GLI3: variants seen among roughly 807,000 people sequenced by gnomAD.
GLI3 encodes the protein transcription activator GLI3.
Under a neutral mutation model 100.8 loss-of-function variants are expected in GLI3, and 20 were observed. The observed-to-expected ratio is 0.20, with a 90% CI of 0.14 to 0.29. The LOEUF (loss-of-function observed/expected upper bound fraction) is 0.29. Ranked by LOEUF, GLI3 falls within the 10% of genes least tolerant of loss-of-function variation. The pLI, the probability that GLI3 is intolerant of heterozygous loss-of-function variation, is 1.00. For missense variants in GLI3, 2,040 were observed against 2,128.5 expected (o/e 0.96, Z 0.82); for synonymous variants, 938 against 860.5 (o/e 1.09, Z -1.58).
chr7:42,031,936 A>G (rs1445205015), intron 7 of GLI3, among the ~76,000 whole-genome samples: 1 of 152,210 alleles, frequency 6.6e-6, no homozygotes, highest in African/African-American at 2.4e-5. Context: ...TCTGATGTAG[A>G]TATACATCAG....
At chr7:41,993,686 T>C (rs907443004) in intron 10 of GLI3, among the ~76,000 whole-genome samples, 12 of 152,176 alleles carry the variant, frequency 7.9e-5, no homozygotes, top group Non-Finnish European at 1.8e-4. Flanking sequence ...GAGGAATGTG[T>C]TATTAGAAAT....
intron 5 of GLI3, among the ~76,000 whole-genome samples, chr7:42,048,241 C>T (rs895983994): frequency 6.6e-6 from 1 of 152,118 alleles, no homozygotes; most frequent in African/African-American, 2.4e-5. Flanking sequence ...CCTTACTAGC[C>T]ATGGGATTGA....
At chr7:42,197,111 G>A (rs937761787) in intron 2 of GLI3, among the ~76,000 whole-genome samples, 26 of 152,162 alleles carry the variant, frequency 1.7e-4, no homozygotes, top group Non-Finnish European at 3.1e-4. Context: ...ACTCACATCC[G>A]AGTCTGGCTG....
intron 10 of GLI3, among the ~76,000 whole-genome samples, chr7:41,990,219 A>G (rs189118534): frequency 6.6e-6 from 1 of 151,994 alleles, no homozygotes; most frequent in Non-Finnish European, 1.5e-5. Context: ...GGTAGGCACA[A>G]AGTTTTCCTG....
intron 2 of GLI3, among the ~76,000 whole-genome samples, chr7:42,164,605 C>A (rs527314530): frequency 6.6e-6 from 1 of 151,744 alleles, no homozygotes; most frequent in African/African-American, 2.4e-5. Context: ...CCGAGGCAGG[C>A]GGATCATGGG....
At chr7:42,046,360 G>A (rs1317846397) in intron 5 of GLI3, among the ~76,000 whole-genome samples, 11 of 152,230 alleles carry the variant, frequency 7.2e-5, no homozygotes, top group Admixed American at 4.6e-4. Context: ...AAAGTTTTAC[G>A]ATTATTATCT....
At chr7:42,262,548 C>T (rs1306933229) in intron 1 of GLI3, among the ~76,000 whole-genome samples, 1 of 152,178 alleles carries the variant, frequency 6.6e-6, no homozygotes, top group Admixed American at 6.5e-5. Flanking sequence ...GCCTGAGTCA[C>T]TGCATTTGAC....
intron 2 of GLI3, among the ~76,000 whole-genome samples, chr7:42,173,461 T>C (rs1427383833): frequency 6.6e-6 from 1 of 152,188 alleles, no homozygotes; most frequent in Non-Finnish European, 1.5e-5. Flanking sequence ...GAGGGTACTG[T>C]CTATTTTGGC....
Position 42,223,139 on chromosome 7 carries a change from T to G in GLI3, c.115A>C (p.Thr39Pro). The G allele has an allele frequency of 6.2e-7, 1 of 1,613,972 alleles. No homozygotes were observed. The highest frequency in any genetic ancestry group is 1.3e-5 in the African/African-American group (1 of 75,004). The part of the protein sequence containing the change: ...VSEKAVASST[T>P]SNEDESPGQT... ...TCCCTGTGCTGCTCACCATTAGAAGTGGTGCTGGAGGCAACGGCTTTCTCG... is the reference window on the plus strand; with the variant it reads ...TCCCTGTGCTGCTCACCATTAGAAGGGGTGCTGGAGGCAACGGCTTTCTCG... Residue 39 changes from threonine (T) to proline (P), a missense_variant, in exon 2 of 15, where the codon ACT becomes CCT. This residue lies in a region of GLI3 where 603 missense variants were observed against 690.9 expected (regional missense o/e 0.87). Coordinates refer to ENST00000395925, the MANE Select transcript of GLI3 (RefSeq NM_000168.6).
intron 3 of GLI3, among the ~76,000 whole-genome samples, chr7:42,088,015 G>A (rs1054642560): frequency 1.3e-5 from 2 of 152,138 alleles, no homozygotes; most frequent in African/African-American, 4.8e-5. Context: ...GGAAATGATA[G>A]AAAAGGGAGA....
At chr7:42,106,600 G>A (rs1178851448) in intron 3 of GLI3, among the ~76,000 whole-genome samples, 1 of 152,196 alleles carries the variant, frequency 6.6e-6, no homozygotes, top group Non-Finnish European at 1.5e-5. Flanking sequence ...CTACATACTG[G>A]TTGGAAATCT....
intron 2 of GLI3, among the ~76,000 whole-genome samples, chr7:42,170,287 T>TATATATATATATATACACACACACAC (rs1452471645): frequency 6.5e-5 from 8 of 123,996 alleles, no homozygotes; most frequent in African/African-American, 2.2e-4. Flanking sequence ...TATATATATA[T>TATATATATATATATACACACACACAC]ACACACACAT....
intron 4 of GLI3, among the ~76,000 whole-genome samples, chr7:42,067,221 T>C (rs1784692773): frequency 6.6e-6 from 1 of 152,176 alleles, no homozygotes; most frequent in African/African-American, 2.4e-5. Flanking sequence ...AATTCTAAAT[T>C]TGTTCCTGAA....
chr7:42,030,885 A>AT (rs1210917577), intron 7 of GLI3, among the ~76,000 whole-genome samples: 1 of 151,866 alleles, frequency 6.6e-6, no homozygotes, highest in Non-Finnish European at 1.5e-5. Flanking sequence ...TGCCCAGCTA[A>AT]TTTTTGTATT....
intron 4 of GLI3, among the ~76,000 whole-genome samples, chr7:42,071,711 G>A (rs1784787573): frequency 1.3e-5 from 2 of 152,056 alleles, no homozygotes; most frequent in Non-Finnish European, 2.9e-5. Context: ...TTCTCTCTGG[G>A]AAGAAATGTA....
rs897778692 is a variant in GLI3, at chr7:41,967,598, T to C, written c.2429A>G (p.Asn810Ser). 1.2e-5 allele frequency: 20 copies of C among 1,609,362 alleles called. No individual in the cohort carries two copies. The highest frequency in any genetic ancestry group is 1.8e-4 in the Middle Eastern group (1 of 5,632). Residue 810 changes from asparagine to serine, a missense_variant and splice_region_variant, in exon 14 of 15, where the codon AAT becomes AGT. This residue lies in a region of GLI3 where 327 missense variants were observed against 338.7 expected (regional missense o/e 0.97). Coordinates refer to ENST00000395925, the MANE Select transcript of GLI3 (RefSeq NM_000168.6). ...KAPAVSPLIGNGTQSNNTCSL... is the reference protein window; with the variant it reads ...KAPAVSPLIGSGTQSNNTCSL... ...GCATGGTCTGATGTAGAACTCACCATTTCCTATGAGAGGAGAGACCGCAGG... is the reference window on the plus strand; with the variant it reads ...GCATGGTCTGATGTAGAACTCACCACTTCCTATGAGAGGAGAGACCGCAGG...
chr7:42,021,305 T>C (rs1196735984), intron 10 of GLI3, among the ~76,000 whole-genome samples: 1 of 152,244 alleles, frequency 6.6e-6, no homozygotes, highest in Non-Finnish European at 1.5e-5. Context: ...AATCCTGACA[T>C]GAATTTCTTC....
intron 2 of GLI3, among the ~76,000 whole-genome samples, chr7:42,191,981 C>G (rs1373899490): frequency 6.6e-6 from 1 of 151,486 alleles, no homozygotes; most frequent in African/African-American, 2.4e-5. Context: ...AAACAATAGC[C>G]AAGAAAGACA....
At chr7:42,168,423 C>T (rs564602286) in intron 2 of GLI3, among the ~76,000 whole-genome samples, 2 of 152,286 alleles carry the variant, frequency 1.3e-5, no homozygotes, top group Admixed American at 1.3e-4. Flanking sequence ...CAGGATCGCT[C>T]TTTGTAACCA....
Sources: gnomAD v4.1 joint callset for allele counts (sites outside exome capture counted in the v4.1 genomes callset) on GRCh38, gnomAD v4.1.1 for gene constraint, gnomAD v4.1.1 regional missense constraint, MANE v1.5 for transcripts, NCBI Gene and HGNC (gene_info 2026-07-23, HGNC 2026-07-21) for gene names.